The following DDX1 variants were observed in gnomAD, a reference collection of about 807,000 sequenced individuals.
DDX1 encodes the protein ATP-dependent RNA helicase DDX1.
DDX1 carries 28 observed loss-of-function variants against 108.7 expected under a neutral mutation model. The ratio of observed to expected loss-of-function variants is 0.26; its 90% CI spans 0.19 to 0.35. The LOEUF is 0.35. Ranked by LOEUF, DDX1 falls within the 10% of genes least tolerant of loss-of-function variation. DDX1 has a pLI of 1.00. For synonymous variants in DDX1, 295 were observed against 288.9 expected, an observed-to-expected ratio of 1.02 and a Z score of -0.21; for missense variants, 710 against 884.5, an observed-to-expected ratio of 0.80 and a Z score of 2.50.
At chr2:15,602,452 G>A (rs939766149) in intron 6 of DDX1, 96 bp from the exon 7 acceptor site, 2 of 797,148 alleles carry the variant, frequency 2.5e-6, no homozygotes, top group Admixed American at 2.0e-5. Context: ...TCTTGTTAGT[G>A]AGACTGAATG....
Position 15,630,052 on chromosome 2 carries a change from G to A in DDX1, c.2034G>A (p.Lys678=), listed in dbSNP as rs2148751152. 1 of 1,613,308 alleles carries A rather than the reference G, an allele frequency of 6.2e-7. No individual in the cohort carries two copies. Among genetic ancestry groups the A allele is most frequent in the Non-Finnish European group, 8.5e-7 (1 of 1,179,470 alleles). ...TTTCTCAGGTTGAGCCGGATATAAA[G>A]GTACCAGTGGATGAATTTGATGGGA... The part of the protein sequence containing the change: ...CTISQVEPDI[K]VPVDEFDGKV... Residue 678 remains lysine, a synonymous_variant, in exon 25 of 26, where the codon AAG becomes AAA. Coordinates refer to ENST00000233084, the MANE Select transcript of DDX1 (RefSeq NM_004939.3).
At chr2:15,623,325 G>A (rs1204889666) in intron 18 of DDX1, 111 bp from the exon 19 acceptor site, 160 of 929,066 alleles carry the variant, frequency 1.7e-4, no homozygotes, top group Non-Finnish European at 2.5e-4. Context: ...ATTAAAACAA[G>A]TATTCTTTTT....
intron 13 of DDX1, among the ~76,000 whole-genome samples, chr2:15,612,538 G>C (rs28505900): frequency 0.26 from 37,928 of 148,194 alleles, 4,416 homozygotes; most frequent in Admixed American, 0.29. Flanking sequence ...CAGCCAGGCA[G>C]AGGGGCTCCT....
chr2:15,603,724 A>C (rs1665622036), intron 8 of DDX1, 90 bp from the exon 9 acceptor site: 1 of 838,216 alleles, frequency 1.2e-6, no homozygotes, highest in Non-Finnish European at 1.9e-6. Flanking sequence ...TATGAAATGG[A>C]CATACTATGT....
At chr2:15,595,457 G>A (rs1279845411) in intron 2 of DDX1, 33 bp from the exon 3 acceptor site, 1 of 1,569,346 alleles carries the variant, frequency 6.4e-7, no homozygotes. Context: ...TTTTTCCCCA[G>A]TAACTAAAAT....
chr2:15,618,299 T>A (rs1363515882), intron 16 of DDX1, 29 bp downstream of exon 16: 1 of 1,151,968 alleles, frequency 8.7e-7, no homozygotes, highest in East Asian at 2.4e-5. Context: ...CATCTTAAAA[T>A]GCATGTAAAC....
At chr2:15,612,318 C>G (rs1665787149) in intron 13 of DDX1, among the ~76,000 whole-genome samples, 1 of 151,732 alleles carries the variant, frequency 6.6e-6, no homozygotes, top group Non-Finnish European at 1.5e-5. Flanking sequence ...GCGCTCCTCA[C>G]ATCCCAGACG....
At chr2:15,605,059 G>A (rs1024178579) in intron 10 of DDX1, among the ~76,000 whole-genome samples, 5 of 152,170 alleles carry the variant, frequency 3.3e-5, no homozygotes, top group Admixed American at 1.3e-4. Context: ...AGGTGGTGAG[G>A]CCAGGCCATG....
At chr2:15,601,249 A>G (rs757724946) in intron 6 of DDX1, among the ~76,000 whole-genome samples, 1 of 152,128 alleles carries the variant, frequency 6.6e-6, no homozygotes, top group Non-Finnish European at 1.5e-5. Flanking sequence ...AGTAACAGAC[A>G]CATGTTTGTT....
At position 15,591,933 on chromosome 2, in the gene DDX1, G is replaced by C; in HGVS notation, c.-1G>C. Reference sequence around the variant, plus strand: ...GCGAAGCCGCGGAGGACGGGGTGAAGATGGCGGCCTTCTCCGGTGCGTTTG... The same window carrying C: ...GCGAAGCCGCGGAGGACGGGGTGAACATGGCGGCCTTCTCCGGTGCGTTTG... On this transcript the variant is annotated 5_prime_UTR_variant, in exon 1 of 26. Transcript: ENST00000233084. The C allele has an allele frequency of 1.4e-6, 2 of 1,449,084 alleles. No homozygotes were observed. Among genetic ancestry groups the C allele is most frequent in the East Asian group, 3.0e-5 (1 of 33,598 alleles). The allele number at this position is 1,449,084 out of a possible 1,614,324, so 89.8% of individuals were successfully genotyped here.
At chr2:15,603,677 G>T in intron 8 of DDX1, 137 bp from the exon 9 acceptor site, 3 of 652,490 alleles carry the variant, frequency 4.6e-6, no homozygotes, top group Non-Finnish European at 7.9e-6. Context: ...GTTTTTTGCA[G>T]GATTCAGAAA....
At chr2:15,595,891 G>A (rs1277086220) in intron 3 of DDX1, among the ~76,000 whole-genome samples, 1 of 151,318 alleles carries the variant, frequency 6.6e-6, no homozygotes, top group Non-Finnish European at 1.5e-5. Context: ...CTTTTTTTTT[G>A]TTTTTGTTTT....
At chr2:15,619,265 C>T (rs1041662057) in intron 16 of DDX1, among the ~76,000 whole-genome samples, 2 of 152,246 alleles carry the variant, frequency 1.3e-5, no homozygotes, top group African/African-American at 2.4e-5. Context: ...GGGGTGGACT[C>T]TAGAGACTGT....
intron 19 of DDX1, among the ~76,000 whole-genome samples, chr2:15,626,459 C>A (rs925847558): frequency 6.6e-6 from 1 of 151,992 alleles, no homozygotes; most frequent in Non-Finnish European, 1.5e-5. Context: ...TTGTTACATC[C>A]CAGTGGTTAC....
chr2:15,613,179 TTTAA>T, intron 13 of DDX1, 41 bp from the exon 14 acceptor site: 1 of 1,352,532 alleles, frequency 7.4e-7, no homozygotes, highest in South Asian at 1.3e-5. Context: ...TAAAGCAGAC[TTTAA>T]TTTTTTTTTT....
Position 15,603,233 on chromosome 2 carries a change from T to C in DDX1, c.433T>C (p.Cys145Arg), listed in dbSNP as rs748704428. Residue 145 changes from cysteine (C) to arginine (R), a missense_variant, in exon 8 of 26, where the codon TGC (cysteine) becomes CGC (arginine). Cys to Arg is a radical substitution (Grantham distance 180). Around this residue, in one of 3 missense-constraint regions of DDX1, gnomAD observed 661 missense variants for 810.2 expected, o/e 0.82. Transcript: ENST00000233084. ...AGTATCCTGTCATGACCAAGGGTTA[T>C]GCAGGGTCGGGTGGTCTACCATGCA... ...YEVSCHDQGL[C>R]RVGWSTMQAS... is the part of the protein sequence containing the mutation. 6.2e-7 allele frequency: 1 copy of C among 1,613,838 alleles called. No individual in the cohort carries two copies. Among genetic ancestry groups the C allele is most frequent in the South Asian group, 1.1e-5 (1 of 91,038 alleles).
intron 18 of DDX1, chr2:15,621,448 C>T (rs867538190): frequency 9.5e-6 from 2 of 210,378 alleles, no homozygotes; most frequent in Admixed American, 6.1e-5. Flanking sequence ...TAGCTGGGAT[C>T]GCCCGCCACC....
rs1665633734 is a variant in DDX1, at chr2:15,604,486, G to C, written c.602G>C (p.Gly201Ala). The C allele has an allele frequency of 6.2e-7, 1 of 1,608,478 alleles. No homozygotes were observed. The highest frequency in any genetic ancestry group is 8.5e-7 in the Non-Finnish European group (1 of 1,175,276). The change falls in exon 10 of 26, where the codon GGA becomes GCA. Residue 201 changes from glycine to alanine, a missense_variant. Transcript: ENST00000233084. ...GGATGTTACCTGGATATAGATAAGG[G>C]ACATGTCAAGTTCTCCAAAAATGGT... ...TIGCYLDIDK[G>A]HVKFSKNGKD...
At chr2:15,604,360 C>G in intron 9 of DDX1, 77 bp from the exon 10 acceptor site, 1 of 942,706 alleles carries the variant, frequency 1.1e-6, no homozygotes, top group South Asian at 1.4e-5. Context: ...GAAACACATA[C>G]TTTTGATGCA....
Sources: allele counts gnomAD v4.1 joint callset (sites outside exome capture counted in the v4.1 genomes callset), GRCh38; gene constraint gnomAD v4.1.1; regional missense constraint gnomAD v4.1.1; transcripts MANE v1.5; gene names NCBI Gene and HGNC (gene_info 2026-07-23, HGNC 2026-07-21).